DNAH5: variants seen among roughly 807,000 people sequenced by gnomAD.
The protein encoded by DNAH5 is dynein axonemal heavy chain 5.
A neutral mutation model predicts 518.2 loss-of-function variants in DNAH5; 372 were observed. That is an observed-to-expected ratio of 0.72 (90% confidence interval 0.66 to 0.78). The LOEUF (loss-of-function observed/expected upper bound fraction) is 0.78, where lower values mean the gene tolerates loss of function less well. DNAH5 is among the 30% of genes least tolerant of loss of function. DNAH5 has a pLI of 0.00. For synonymous variants in DNAH5, 2,039 were observed against 2,025.9 expected (o/e 1.01, Z -0.17); for missense variants, 5,523 against 5,687.0 (o/e 0.97, Z 0.93).
intron 76 of DNAH5, among the ~76,000 whole-genome samples, chr5:13,705,283 G>C (rs1742641247): frequency 6.6e-6 from 1 of 152,128 alleles, no homozygotes; most frequent in Non-Finnish European, 1.5e-5. Flanking sequence ...ATGAGCCACT[G>C]CGCCCGGCTG....
intron 47 of DNAH5, among the ~76,000 whole-genome samples, chr5:13,797,600 TTGG>T (rs1372304543): frequency 6.6e-6 from 1 of 152,190 alleles, no homozygotes; most frequent in Non-Finnish European, 1.5e-5. Flanking sequence ...TTTTACACTG[TTGG>T]TGGGAGTGTA....
chr5:13,790,303 C>T (rs188571422), intron 50 of DNAH5, among the ~76,000 whole-genome samples: 3 of 152,298 alleles, frequency 2.0e-5, no homozygotes, highest in African/African-American at 4.8e-5. Flanking sequence ...AACCTAAATG[C>T]TCATCAGTGG....
chr5:13,769,074 C>A lies in DNAH5; in HGVS notation c.9783G>T (p.Lys3261Asn). 1 of 1,614,238 alleles carries A rather than the reference C, an allele frequency of 6.2e-7. No homozygotes were observed. Among genetic ancestry groups the A allele is most frequent in the East Asian group, 2.2e-5 (1 of 44,888 alleles). Residue 3261 changes from lysine to asparagine, a missense_variant, in exon 58 of 79, where the codon AAG becomes AAT. Physicochemically the swap from Lys to Asn is moderately conservative, Grantham distance 94. Coordinates refer to ENST00000265104, the MANE Select transcript of DNAH5 (RefSeq NM_001369.3). ...CAATGGCCTGGGCCCTGTCCTTCAC[C>A]TTCTGTACCTCAGCCTTGACCTTTT... is the stretch of plus-strand genomic sequence containing the variant. Reference protein sequence around the residue: ...AAEKVKAEVQKVKDRAQAIVD... With the variant: ...AAEKVKAEVQNVKDRAQAIVD...
chr5:13,909,062 A>G (rs1294833870), intron 12 of DNAH5, among the ~76,000 whole-genome samples: 2 of 152,228 alleles, frequency 1.3e-5, no homozygotes, highest in Non-Finnish European at 2.9e-5. Flanking sequence ...TTGGCAAACC[A>G]AAGACAGAAG....
chr5:13,996,407 TTAAAGTC>T, intron 1 of DNAH5, among the ~76,000 whole-genome samples: 1 of 152,268 alleles, frequency 6.6e-6, no homozygotes, highest in East Asian at 1.9e-4. Flanking sequence ...AGCTTCCACT[TTAAAGTC>T]TAAGTCCCAA....
chr5:13,741,874 C>A (rs1484627203), intron 65 of DNAH5, among the ~76,000 whole-genome samples: 1 of 152,088 alleles, frequency 6.6e-6, no homozygotes, highest in Non-Finnish European at 1.5e-5. Context: ...ACTCTGCAAG[C>A]CTCAGTATTT....
At chr5:13,781,008 C>G in intron 52 of DNAH5, 49 bp from the exon 53 acceptor site, 1 of 1,589,596 alleles carries the variant, frequency 6.3e-7, no homozygotes, top group Non-Finnish European at 8.6e-7. Flanking sequence ...TGTAAATGTT[C>G]TATTTTTCCT....
chr5:13,733,829 C>T (rs1310134727), intron 68 of DNAH5, among the ~76,000 whole-genome samples: 3 of 152,052 alleles, frequency 2.0e-5, no homozygotes, highest in East Asian at 3.9e-4. Context: ...CCTACTGTTC[C>T]CCTAGGGGTG....
chr5:13,820,135 A>T (rs1164077197), intron 41 of DNAH5, among the ~76,000 whole-genome samples: 1 of 152,214 alleles, frequency 6.6e-6, no homozygotes. Flanking sequence ...CATACAGTGC[A>T]GTGCATAAAG....
Position 13,829,564 on chromosome 5 carries a change from C to T in DNAH5, c.6390G>A (p.Leu2130=). The T allele has an allele frequency of 6.2e-7, 1 of 1,614,122 alleles. No homozygotes were observed. The highest frequency in any genetic ancestry group is 8.5e-7 in the Non-Finnish European group (1 of 1,180,020). Residue 2130 remains leucine, a synonymous_variant, in exon 38 of 79, where the codon TTG becomes TTA. Coordinates refer to ENST00000265104, the MANE Select transcript of DNAH5 (RefSeq NM_001369.3). The stretch of plus-strand genomic sequence containing the variant: ...TGTAGAGCGTGAAAAACTTCCTGGC[C>T]AAAACAACGTTGTCAATGAAGCCAC... ...ASCGFIDNVV[L]ARKFFTLYKL... is the part of the protein sequence containing the mutation.
intron 1 of DNAH5, among the ~76,000 whole-genome samples, chr5:13,993,102 C>T (rs972248171): frequency 3.3e-5 from 5 of 152,234 alleles, no homozygotes; most frequent in African/African-American, 1.2e-4. Flanking sequence ...TTAACATCCT[C>T]AATGAAGAGG....
At position 13,846,283 on chromosome 5, in the gene DNAH5, T is replaced by G. The variant is rs114256352; in HGVS notation, c.5115-1290A>C. 5.1e-3 allele frequency among the ~76,000 whole-genome samples: 778 copies of G among 152,306 alleles called. 6 individuals are homozygous for G. The highest frequency in any genetic ancestry group is 0.018 in the African/African-American group (735 of 41,558). ...GGTAGTTTTCCAATCCTCACCCTCCTGCCACCTCCACCCTCAAGTAGACCC... is the reference window on the plus strand; with the variant it reads ...GGTAGTTTTCCAATCCTCACCCTCCGGCCACCTCCACCCTCAAGTAGACCC... On this transcript the variant is annotated intron_variant, in intron 31 of 78. Coordinates refer to ENST00000265104, the MANE Select transcript of DNAH5 (RefSeq NM_001369.3).
At chr5:13,992,784 TATA>T (rs969055874) in intron 1 of DNAH5, among the ~76,000 whole-genome samples, 6 of 152,328 alleles carry the variant, frequency 3.9e-5, no homozygotes, top group Middle Eastern at 3.4e-3. Context: ...TTTAAATCTT[TATA>T]ATAAGATTTA....
exon 1 of DNAH5, among the ~76,000 whole-genome samples, chr5:14,011,717 C>A (rs1785149387): frequency 6.6e-6 from 1 of 152,166 alleles, no homozygotes; most frequent in Non-Finnish European, 1.5e-5. Flanking sequence ...GCAGGGAGGA[C>A]CCCGCCGCAG....
chr5:13,912,622 ACTT>A (rs1443358981), intron 11 of DNAH5, among the ~76,000 whole-genome samples: 4 of 151,484 alleles, frequency 2.6e-5, no homozygotes, highest in African/African-American at 7.3e-5. Context: ...GCTTTTCCAT[ACTT>A]CTTTTAGACA....
At chr5:13,749,919 T>A (rs1031259877) in intron 65 of DNAH5, among the ~76,000 whole-genome samples, 1 of 152,202 alleles carries the variant, frequency 6.6e-6, no homozygotes, top group African/African-American at 2.4e-5. Flanking sequence ...AGCAACCCAG[T>A]GGCAGGAACC....
At chr5:13,770,065 A>C (rs563939014) in intron 56 of DNAH5, among the ~76,000 whole-genome samples, 17 of 152,332 alleles carry the variant, frequency 1.1e-4, no homozygotes, top group African/African-American at 4.1e-4. Context: ...AGCTGTAGGA[A>C]GGAACTAGCT....
At chr5:13,838,368 G>T (rs922716914) in intron 35 of DNAH5, among the ~76,000 whole-genome samples, 3 of 152,166 alleles carry the variant, frequency 2.0e-5, no homozygotes, top group Admixed American at 2.0e-4. Flanking sequence ...GCAAGTGAGA[G>T]AAGCTTCATC....
At chr5:13,746,579 A>C in intron 65 of DNAH5, among the ~76,000 whole-genome samples, 1 of 152,138 alleles carries the variant, frequency 6.6e-6, no homozygotes, top group East Asian at 1.9e-4. Flanking sequence ...ATGTATCACT[A>C]TATTTATGGG....
Sources: allele counts gnomAD v4.1 joint callset (sites outside exome capture counted in the v4.1 genomes callset), GRCh38; gene constraint gnomAD v4.1.1; transcripts MANE v1.5; gene names NCBI Gene and HGNC (gene_info 2026-07-23, HGNC 2026-07-21).